The following COL23A1 variants were observed in gnomAD, a reference collection of about 807,000 sequenced individuals.
COL23A1 encodes the protein collagen alpha-1(XXIII) chain.
In COL23A1, 97 loss-of-function variants were observed where a neutral mutation model predicts 99.3. That is an observed-to-expected ratio of 0.98 (90% CI 0.83 to 1.16). COL23A1 has a LOEUF of 1.16. COL23A1 is among the 50% of genes most tolerant of loss of function. The probability of loss-of-function intolerance (pLI) is 0.00; values close to 1 mark genes in which losing one functional copy is unlikely to be tolerated. For synonymous variants in COL23A1, 320 were observed against 308.2 expected, an observed-to-expected ratio of 1.04 and a Z score of -0.40; for missense variants, 762 against 757.4, an observed-to-expected ratio of 1.01 and a Z score of -0.07.
At chr5:178,475,790 C>T (rs1389542060) in intron 2 of COL23A1, among the ~76,000 whole-genome samples, 1 of 152,184 alleles carries the variant, frequency 6.6e-6, no homozygotes, top group Admixed American at 6.5e-5. Flanking sequence ...CAGTTCCTTG[C>T]AGTTGTTGGA....
chr5:178,520,514 G>A (rs887997077), intron 2 of COL23A1, among the ~76,000 whole-genome samples: 1 of 152,182 alleles, frequency 6.6e-6, no homozygotes, highest in African/African-American at 2.4e-5. Context: ...AAGCACCTGT[G>A]AAACATCTCT....
rs75779063 is a variant in COL23A1, at chr5:178,516,755, C to G, written c.361+43927G>C. 4.7e-3 allele frequency among the ~76,000 whole-genome samples: 717 copies of G among 152,300 alleles called. 1 individual carries two copies. Among genetic ancestry groups the G allele is most frequent in the African/African-American group, 0.014 (564 of 41,568 alleles). ...TCCTCAGGCCTGGCGGGTGCCCCTC[C>G]TAGTCTCCCCCAGGCTCCCCAGATG... On this transcript the variant is annotated intron_variant, in intron 2 of 28. Transcript: ENST00000390654.
chr5:178,372,350 C>T (rs977060883), intron 2 of COL23A1, among the ~76,000 whole-genome samples: 2 of 152,178 alleles, frequency 1.3e-5, no homozygotes, highest in African/African-American at 2.4e-5. Context: ...GTTTTTAGTC[C>T]GAGGGCGTAG....
At chr5:178,463,506 G>A (rs1234015119) in intron 2 of COL23A1, among the ~76,000 whole-genome samples, 1 of 152,140 alleles carries the variant, frequency 6.6e-6, no homozygotes, top group Non-Finnish European at 1.5e-5. Flanking sequence ...GATAATAGGA[G>A]CACTCCCTGC....
intron 1 of COL23A1, among the ~76,000 whole-genome samples, chr5:178,588,793 T>C (rs540502193): frequency 5.2e-4 from 79 of 152,324 alleles, no homozygotes; most frequent in African/African-American, 1.8e-3. Flanking sequence ...GAAACACAGC[T>C]GGATACGTTA....
At chr5:178,476,695 C>T (rs746244552) in intron 2 of COL23A1, among the ~76,000 whole-genome samples, 2 of 152,208 alleles carry the variant, frequency 1.3e-5, no homozygotes, top group African/African-American at 2.4e-5. Context: ...CCTGGATGTG[C>T]GTGGTGTGTG....
At chr5:178,270,045 G>C (rs1219209850) in intron 6 of COL23A1, among the ~76,000 whole-genome samples, 1 of 152,174 alleles carries the variant, frequency 6.6e-6, no homozygotes, top group East Asian at 1.9e-4. Flanking sequence ...TAGACCCCAG[G>C]GACTGTGCCG....
chr5:178,357,986 GTA>G (rs1280975296), intron 2 of COL23A1, among the ~76,000 whole-genome samples: 1 of 150,930 alleles, frequency 6.6e-6, no homozygotes. Context: ...ATATATGTGT[GTA>G]TGCGTGTGTG....
At chr5:178,442,162 A>AT (rs923892039) in intron 2 of COL23A1, among the ~76,000 whole-genome samples, 9 of 151,870 alleles carry the variant, frequency 5.9e-5, no homozygotes, top group African/African-American at 1.7e-4. Context: ...TCCCCAGATG[A>AT]TTAAAAAAAA....
Position 178,589,841 on chromosome 5 carries a change from G to T in COL23A1, c.294+63C>A. 1 of 1,237,516 alleles carries T rather than the reference G, an allele frequency of 8.1e-7. No individual in the cohort carries two copies. The highest frequency in any genetic ancestry group is 3.3e-5 in the East Asian group (1 of 29,874). 76.7% of individuals were successfully genotyped at this position (1,237,516 alleles called of 1,614,324 possible). A position where few individuals can be genotyped will look rare whatever the true frequency, so the allele number is the denominator to read the frequency against. ...ACCTGCACGCTGCCCCCGGCTCCCA[G>T]CGTACCGCCACCCTCAACCCGACAC... On this transcript the variant is annotated intron_variant, in intron 1 of 28. Coordinates refer to ENST00000390654, the MANE Select transcript of COL23A1 (RefSeq NM_173465.4). The surrounding 1 kb of genome is among the most constrained non-coding windows in gnomAD (Gnocchi z 5.4).
At chr5:178,419,801 C>G (rs1765505545) in intron 2 of COL23A1, among the ~76,000 whole-genome samples, 2 of 152,204 alleles carry the variant, frequency 1.3e-5, no homozygotes, top group Non-Finnish European at 2.9e-5. Context: ...CTTGGCCAAT[C>G]CCAGCGGCCA....
In COL23A1 at chr5:178,498,254, AT is replaced by A. The variant is rs1562025790; in HGVS notation, c.361+62427del. 2.8e-3 allele frequency among the ~76,000 whole-genome samples: 253 copies of A among 90,654 alleles called. 14 individuals are homozygous for A. The highest frequency in any genetic ancestry group is 9.9e-3 in the African/African-American group (216 of 21,872). The allele number at this position is 90,654 out of a possible 152,430, so 59.5% of individuals were successfully genotyped here. On this transcript the variant is annotated intron_variant, in intron 2 of 28. Coordinates refer to ENST00000390654, the MANE Select transcript of COL23A1 (RefSeq NM_173465.4). ...TATATATATATATATATATATATAT[AT>A]ATAAAAGAACTTAAAAATAAAAAAA...
chr5:178,331,939 T>C (rs977294671), intron 2 of COL23A1, among the ~76,000 whole-genome samples: 3 of 152,168 alleles, frequency 2.0e-5, no homozygotes, highest in African/African-American at 7.2e-5. Flanking sequence ...TGGGCACAGC[T>C]GCGGGAGGCT....
In COL23A1 at chr5:178,273,824, C is replaced by T. The variant is rs186607552; in HGVS notation, c.442-3461G>A. 1.9e-4 allele frequency among the ~76,000 whole-genome samples: 29 copies of T among 152,276 alleles called. No homozygotes were observed. In the East Asian group the frequency reaches 2.3e-3, roughly 12 times the overall value. On this transcript the variant is annotated intron_variant, in intron 5 of 28. Coordinates refer to ENST00000390654, the MANE Select transcript of COL23A1 (RefSeq NM_173465.4). ...CTGAGGAGGGGACTCCGAGGTGGGCCGGGAAGGAACAGCCTGGCTTTGGAG... is the reference window on the plus strand; with the variant it reads ...CTGAGGAGGGGACTCCGAGGTGGGCTGGGAAGGAACAGCCTGGCTTTGGAG...
intron 2 of COL23A1, among the ~76,000 whole-genome samples, chr5:178,495,635 T>C (rs745454768): frequency 1.9e-4 from 29 of 151,256 alleles, no homozygotes; most frequent in Non-Finnish European, 3.4e-4. Flanking sequence ...GCTAGAACCA[T>C]AGGGATGGAA....
At chr5:178,460,468 C>G (rs1434531245) in intron 2 of COL23A1, among the ~76,000 whole-genome samples, 1 of 151,880 alleles carries the variant, frequency 6.6e-6, no homozygotes, top group Non-Finnish European at 1.5e-5. Context: ...TCCTAATAAC[C>G]TGTTCATCCA....
chr5:178,460,412 G>A (rs1756056111), intron 2 of COL23A1, among the ~76,000 whole-genome samples: 1 of 151,784 alleles, frequency 6.6e-6, no homozygotes, highest in Non-Finnish European at 1.5e-5. Flanking sequence ...GTGCCAGGTG[G>A]GCTGCTGGGA....
intron 2 of COL23A1, among the ~76,000 whole-genome samples, chr5:178,357,169 G>T (rs1761703494): frequency 6.6e-6 from 1 of 152,196 alleles, no homozygotes; most frequent in Admixed American, 6.5e-5. Flanking sequence ...TCCCTCCCTG[G>T]TGACCTGGGG....
At chr5:178,527,369 G>A (rs1760367628) in intron 2 of COL23A1, among the ~76,000 whole-genome samples, 1 of 151,960 alleles carries the variant, frequency 6.6e-6, no homozygotes, top group African/African-American at 2.4e-5. Flanking sequence ...TATGTGAAGA[G>A]CCTTGGCCTT....
Sources: allele counts gnomAD v4.1 joint callset (sites outside exome capture counted in the v4.1 genomes callset), GRCh38; gene constraint gnomAD v4.1.1; non-coding constraint Gnocchi (gnomAD v3.1); transcripts MANE v1.5; gene names NCBI Gene and HGNC (gene_info 2026-07-23, HGNC 2026-07-21).